Variants in GPR180 observed in about 807,000 individuals in gnomAD.
GPR180 encodes the protein G protein-coupled receptor 180, also known as integral membrane protein GPR180.
A neutral mutation model predicts 52.6 loss-of-function variants in GPR180; 53 were observed. That is an observed-to-expected ratio of 1.01 (90% CI 0.81 to 1.27). GPR180 has a LOEUF of 1.27. Among genes scored for constraint, GPR180 ranks in the 50% most tolerant of loss-of-function variants. The pLI is 0.00. For synonymous variants in GPR180, 200 were observed against 193.1 expected, an observed-to-expected ratio of 1.04 and a Z score of -0.30; for missense variants, 533 against 527.0, an observed-to-expected ratio of 1.01 and a Z score of -0.11.
chr13:94,618,393 G>T (rs147283259), intron 3 of GPR180, among the ~76,000 whole-genome samples: 1 of 138,868 alleles, frequency 7.2e-6, no homozygotes, highest in African/African-American at 3.0e-5. Context: ...AGCCAATCCT[G>T]GCATGGAGTC....
At chr13:94,612,591 C>T (rs998706754) in intron 3 of GPR180, among the ~76,000 whole-genome samples, 3 of 152,062 alleles carry the variant, frequency 2.0e-5, no homozygotes, top group Non-Finnish European at 2.9e-5. Context: ...TGTATTAAAA[C>T]CTGCAAAGAA....
chr13:94,605,207 A>T (rs756375302), intron 1 of GPR180, among the ~76,000 whole-genome samples, 184 bp from the exon 2 acceptor site: 4 of 152,252 alleles, frequency 2.6e-5, no homozygotes, highest in Non-Finnish European at 5.9e-5. Context: ...CCACACGTTC[A>T]TTTGAATAAT....
intron 2 of GPR180, among the ~76,000 whole-genome samples, chr13:94,607,844 T>G (rs999391535): frequency 6.6e-6 from 1 of 152,188 alleles, no homozygotes; most frequent in Admixed American, 6.5e-5. Context: ...GAATGAGAAT[T>G]GATGATACCC....
chr13:94,606,877 T>G (rs1889640164), intron 2 of GPR180, among the ~76,000 whole-genome samples: 1 of 152,260 alleles, frequency 6.6e-6, no homozygotes. Context: ...ACTTTGACCC[T>G]GAATTCAAAA....
At chr13:94,624,737 T>A (rs960608608) in intron 7 of GPR180, among the ~76,000 whole-genome samples, 2 of 152,062 alleles carry the variant, frequency 1.3e-5, no homozygotes, top group African/African-American at 4.8e-5. Context: ...AGAGACGGGG[T>A]TTCACCGTGT....
At chr13:94,622,220 G>A (rs1437406992) in intron 6 of GPR180, among the ~76,000 whole-genome samples, 2 of 152,114 alleles carry the variant, frequency 1.3e-5, no homozygotes, top group Non-Finnish European at 2.9e-5. Flanking sequence ...ATTAAAATAA[G>A]GTTGAGATTC....
Position 94,633,729 on chromosome 13 carries a change from T to G in GPR180, c.*6558T>G, listed in dbSNP as rs1890029476. 6.6e-6 allele frequency: 1 copy of G among 152,064 alleles called. No individual in the cohort carries two copies. Among genetic ancestry groups the G allele is most frequent in the Admixed American group, 6.5e-5 (1 of 15,280 alleles). The allele number at this position is 152,064 out of a possible 1,614,324, so 9.4% of individuals were successfully genotyped here. A position where few individuals can be genotyped will look rare whatever the true frequency, so the allele number is the denominator to read the frequency against. On this transcript the variant is annotated 3_prime_UTR_variant, in exon 9 of 9. Coordinates refer to ENST00000376958, the MANE Select transcript of GPR180 (RefSeq NM_180989.6). The stretch of plus-strand genomic sequence containing the variant: ...GTGGAATTATCAGTCTTTCATTTTT[T>G]TCTTCTGTGTTCTACCTGTTTCACA...
intron 6 of GPR180, among the ~76,000 whole-genome samples, chr13:94,622,275 C>T (rs1028508116): frequency 3.9e-5 from 6 of 152,044 alleles, no homozygotes; most frequent in Admixed American, 2.0e-4. Context: ...AGAGTAGTGT[C>T]AATGTCAGGT....
chr13:94,616,394 T>TG (rs1278181360), intron 3 of GPR180, among the ~76,000 whole-genome samples: 1 of 152,218 alleles, frequency 6.6e-6, no homozygotes, highest in Non-Finnish European at 1.5e-5. Context: ...ACAAGGATCA[T>TG]GGGGAGGCGG....
At chr13:94,622,354 G>A (rs1212790499) in intron 6 of GPR180, among the ~76,000 whole-genome samples, 6 of 151,754 alleles carry the variant, frequency 4.0e-5, no homozygotes, top group Non-Finnish European at 4.4e-5. Context: ...TTAATTTATT[G>A]TCATAGACAA....
At chr13:94,612,630 A>G (rs915893893) in intron 3 of GPR180, among the ~76,000 whole-genome samples, 7 of 152,198 alleles carry the variant, frequency 4.6e-5, no homozygotes, top group South Asian at 2.1e-4. Flanking sequence ...AAAAATATTA[A>G]TAGATTATTT....
At chr13:94,604,964 G>A (rs1284539541) in intron 1 of GPR180, among the ~76,000 whole-genome samples, 5 of 152,034 alleles carry the variant, frequency 3.3e-5, no homozygotes, top group Admixed American at 3.3e-4. Flanking sequence ...AAACTTTCCT[G>A]CTATTAGCTA....
At chr13:94,610,895 T>G (rs1447007894) in intron 2 of GPR180, among the ~76,000 whole-genome samples, 1 of 152,234 alleles carries the variant, frequency 6.6e-6, no homozygotes, top group African/African-American at 2.4e-5. Flanking sequence ...GAGATTACCC[T>G]GGATTGAGAA....
chr13:94,602,425 C>T (rs558093469), intron 1 of GPR180, among the ~76,000 whole-genome samples: 1 of 151,986 alleles, frequency 6.6e-6, no homozygotes, highest in Non-Finnish European at 1.5e-5. Context: ...CATATTTGCT[C>T]CTTCCTGTCT....
chr13:94,603,151 C>G (rs1344330130), intron 1 of GPR180, among the ~76,000 whole-genome samples: 1 of 149,534 alleles, frequency 6.7e-6, no homozygotes, highest in Non-Finnish European at 1.5e-5. Context: ...TTTTCAAAAT[C>G]CAATGTGGAA....
rs1401272807 is a variant in GPR180, at chr13:94,631,792, T to C, written c.*4621T>C. On this transcript the variant is annotated 3_prime_UTR_variant, in exon 9 of 9. Transcript: ENST00000376958. Reference sequence around the variant, plus strand: ...TGGAACTTGGTAGTGTGTAAAAATCTTGACTAGTCAAGTAGTTGTCATAAA... The same window carrying C: ...TGGAACTTGGTAGTGTGTAAAAATCCTGACTAGTCAAGTAGTTGTCATAAA... 1 of 151,990 alleles carries C rather than the reference T, an allele frequency of 6.6e-6. No individual in the cohort carries two copies. The highest frequency in any genetic ancestry group is 1.5e-5 in the Non-Finnish European group (1 of 68,004). The allele number at this position is 151,990 out of a possible 1,614,324, so 9.4% of individuals were successfully genotyped here.
intron 5 of GPR180, among the ~76,000 whole-genome samples, 195 bp downstream of exon 5, chr13:94,619,712 G>A (rs940843854): frequency 2.0e-5 from 3 of 151,968 alleles, no homozygotes; most frequent in Admixed American, 6.6e-5. Flanking sequence ...ACAGCTCCTC[G>A]TTGTTTTTTT....
chr13:94,614,014 G>T (rs1241590974), intron 3 of GPR180, among the ~76,000 whole-genome samples: 10 of 151,826 alleles, frequency 6.6e-5, no homozygotes, highest in Admixed American at 4.6e-4. Flanking sequence ...GAGTAGCTGG[G>T]ACTACAGGCA....
chr13:94,620,479 G>A (rs895735381), intron 5 of GPR180, among the ~76,000 whole-genome samples: 4 of 152,142 alleles, frequency 2.6e-5, no homozygotes, highest in African/African-American at 7.2e-5. Context: ...CTGCAGTGTA[G>A]GTGATGGCCA....
Sources: allele counts gnomAD v4.1 joint callset (sites outside exome capture counted in the v4.1 genomes callset), GRCh38; gene constraint gnomAD v4.1.1; transcripts MANE v1.5; gene names NCBI Gene and HGNC (gene_info 2026-07-23, HGNC 2026-07-21).